OSGEP: variants seen among roughly 807,000 people sequenced by gnomAD.
The protein encoded by OSGEP is tRNA N6-adenosine threonylcarbamoyltransferase.
OSGEP carries 39 observed loss-of-function variants against 44.1 expected under a neutral mutation model. The ratio of observed to expected loss-of-function variants is 0.88; its 90% CI spans 0.69 to 1.16. The LOEUF is 1.16. OSGEP is among the 50% of genes most tolerant of loss of function. The pLI is 0.00. For missense variants in OSGEP, 403 were observed against 443.1 expected, an observed-to-expected ratio of 0.91 and a Z score of 0.81; for synonymous variants, 139 against 161.9, an observed-to-expected ratio of 0.86 and a Z score of 1.07.
intron 1 of OSGEP, among the ~76,000 whole-genome samples, chr14:20,452,984 AGG>A (rs1881143928): frequency 6.6e-6 from 1 of 152,172 alleles, no homozygotes; most frequent in Non-Finnish European, 1.5e-5. Flanking sequence ...CTGGGATTAC[AGG>A]CCTGAGCCAC....
chr14:20,454,547 CTT>C lies in OSGEP; in HGVS notation c.115+20_115+21del, dbSNP rs748074527. On this transcript the variant is annotated intron_variant, in intron 1 of 10. Coordinates refer to ENST00000206542, the MANE Select transcript of OSGEP (RefSeq NM_017807.4). ...TGTGCGGGGAAGTGCGCGGAAAACT[CTT>C]AAGTCCCCTACTCACCAACCTGTGC... The C allele has an allele frequency of 1.3e-6, 2 of 1,547,682 alleles. No individual in the cohort carries two copies. The highest frequency in any genetic ancestry group is 1.1e-5 in the South Asian group (1 of 89,720).
Position 20,447,157 on chromosome 14 carries a change from C to A in OSGEP, c.*83G>T. On this transcript the variant is annotated 3_prime_UTR_variant, in exon 11 of 11. Transcript: ENST00000206542. ...GGAGTCTATAGCTTTGCTAGGACTC[C>A]CATGACATCAGGATAGAGATTGAGG... 1 of 1,190,860 alleles carries A rather than the reference C, an allele frequency of 8.4e-7. No homozygotes were observed. Among genetic ancestry groups the A allele is most frequent in the South Asian group, 1.2e-5 (1 of 81,642 alleles). 73.8% of individuals were successfully genotyped at this position (1,190,860 alleles called of 1,614,324 possible). A position where few individuals can be genotyped will look rare whatever the true frequency, so the allele number is the denominator to read the frequency against.
chr14:20,449,030 A>T lies in OSGEP; in HGVS notation c.508-17T>A. Reference sequence around the variant, plus strand: ...GTTAGAAATCTAGCAGAAGAAAAAAATAAGGAAGGAGGGAATGGAAGAGGA... The same window carrying T: ...GTTAGAAATCTAGCAGAAGAAAAAATTAAGGAAGGAGGGAATGGAAGAGGA... On this transcript the variant is annotated splice_polypyrimidine_tract_variant and intron_variant, in intron 4 of 10. Transcript: ENST00000206542. The T allele has an allele frequency of 1.2e-6, 2 of 1,609,382 alleles. No homozygotes were observed. Among genetic ancestry groups the T allele is most frequent in the Non-Finnish European group, 1.7e-6 (2 of 1,175,618 alleles).
chr14:20,452,698 C>T (rs1276186553), intron 1 of OSGEP, among the ~76,000 whole-genome samples: 1 of 144,774 alleles, frequency 6.9e-6, no homozygotes, highest in Non-Finnish European at 1.5e-5. Flanking sequence ...ACCTCATACC[C>T]TTTCGTGATC....
rs1180497594 is a variant in OSGEP, at chr14:20,448,086, C to G, written c.702+20G>C. 1.2e-6 allele frequency: 2 copies of G among 1,609,056 alleles called. No individual in the cohort carries two copies. The highest frequency in any genetic ancestry group is 2.7e-5 in the African/African-American group (2 of 74,932). ...AAACCTTCAGCCCCAACTTTCTGTC[C>G]CAGTTTTTTACTGCATTACCTGCAG... On this transcript the variant is annotated intron_variant, in intron 7 of 10. Coordinates refer to ENST00000206542, the MANE Select transcript of OSGEP (RefSeq NM_017807.4).
At position 20,454,804 on chromosome 14, in the gene OSGEP, G is replaced by A. The variant is rs958831723; in HGVS notation, c.-121C>T. ...CGCAGAGGAAGCTGGCCAGCCTGCA[G>A]ATAGCACTGGGAAAGACACCGCGGA... On this transcript the variant is annotated 5_prime_UTR_variant, in exon 1 of 11. Transcript: ENST00000206542. 2 of 699,002 alleles carry A rather than the reference G, an allele frequency of 2.9e-6. No individual in the cohort carries two copies. The highest frequency in any genetic ancestry group is 3.6e-5 in the African/African-American group (2 of 55,880). 43.3% of individuals were successfully genotyped at this position (699,002 alleles called of 1,614,324 possible). A position where few individuals can be genotyped will look rare whatever the true frequency, so the allele number is the denominator to read the frequency against.
chr14:20,449,039 G>A (rs1428564784), intron 4 of OSGEP, 26 bp from the exon 5 acceptor site: 4 of 1,599,250 alleles, frequency 2.5e-6, no homozygotes, highest in Middle Eastern at 1.7e-4. Context: ...AATAAGGAAG[G>A]AGGGAATGGA....
intron 1 of OSGEP, among the ~76,000 whole-genome samples, chr14:20,453,282 C>G (rs1328384113): frequency 6.6e-6 from 1 of 152,120 alleles, no homozygotes; most frequent in Non-Finnish European, 1.5e-5. Context: ...CAGCTGCCCT[C>G]TCCTATGTAT....
chr14:20,449,331 A>G, intron 3 of OSGEP, 65 bp from the exon 4 acceptor site: 1 of 974,134 alleles, frequency 1.0e-6, no homozygotes. Context: ...GCTTTGGGAG[A>G]AAAACATAGC....
chr14:20,451,369 C>A (rs927746215), intron 3 of OSGEP: 1 of 250,770 alleles, frequency 4.0e-6, no homozygotes, highest in Non-Finnish European at 8.0e-6. Flanking sequence ...TGCAATGGTG[C>A]GATCTCGGTT....
At chr14:20,452,593 C>T in intron 1 of OSGEP, 145 bp from the exon 2 acceptor site, 2 of 704,550 alleles carry the variant, frequency 2.8e-6, no homozygotes, top group Non-Finnish European at 2.4e-6. Flanking sequence ...ATTTTCACAT[C>T]TACTCTTTCC....
At chr14:20,447,331 ATTC>A (rs1362118058) in intron 10 of OSGEP, 52 bp from the exon 11 acceptor site, 1 of 1,608,778 alleles carries the variant, frequency 6.2e-7, no homozygotes. Context: ...AACATCCTTC[ATTC>A]TTCTCTGCCC....
chr14:20,448,268 C>A (rs1247603074), intron 6 of OSGEP, 97 bp from the exon 7 acceptor site: 14 of 970,274 alleles, frequency 1.4e-5, no homozygotes, highest in Non-Finnish European at 2.2e-5. Flanking sequence ...TCATGTTTCA[C>A]CACAATTCAA....
rs36219434 is a variant in OSGEP at position 20,454,737 on chromosome 14, G to C, written c.-54C>G. On this transcript the variant is annotated 5_prime_UTR_variant, in exon 1 of 11. Transcript: ENST00000206542. ...GACTCCTGGCAATGTCAGGAGCTGT[G>C]GAGGTCCTCACTAGTCCGCGCTGGG... is the stretch of plus-strand genomic sequence containing the variant. The C allele has an allele frequency of 7.4e-7, 1 of 1,358,428 alleles. No homozygotes were observed. Among genetic ancestry groups the C allele is most frequent in the Non-Finnish European group, 1.0e-6 (1 of 952,952 alleles). 84.1% of individuals were successfully genotyped at this position (1,358,428 alleles called of 1,614,324 possible).
Position 20,448,992 on chromosome 14 carries a change from C to G in OSGEP, c.529G>C (p.Gly177Arg). The change falls in exon 5 of 11, where the codon GGA (glycine) becomes CGA (arginine). Residue 177 changes from glycine (G) to arginine (R), a missense_variant. Transcript: ENST00000206542. ...VLKISNDPSP[G>R]YNIEQMAKRG... ...TTTGCCATCTGTTCAATGTTGTATC[C>G]TGGACTTGGGTCGTTAGAAATCTAG... is the stretch of plus-strand genomic sequence containing the variant. 6.2e-7 allele frequency: 1 copy of G among 1,614,104 alleles called. No individual in the cohort carries two copies. The highest frequency in any genetic ancestry group is 8.5e-7 in the Non-Finnish European group (1 of 1,180,002).
At chr14:20,454,390 C>G (rs1265724061) in intron 1 of OSGEP, 179 bp downstream of exon 1, 6 of 688,078 alleles carry the variant, frequency 8.7e-6, no homozygotes, top group East Asian at 2.5e-5. Flanking sequence ...ATGAACTCAT[C>G]AGATCCACGT....
intron 6 of OSGEP, 125 bp downstream of exon 6, chr14:20,448,608 C>T: frequency 1.5e-6 from 1 of 676,212 alleles, no homozygotes; most frequent in Non-Finnish European, 2.6e-6. Context: ...TTACCCAGCA[C>T]ATGATATGGA....
At chr14:20,453,022 TTCTC>T (rs1814895049) in intron 1 of OSGEP, among the ~76,000 whole-genome samples, 1 of 152,128 alleles carries the variant, frequency 6.6e-6, no homozygotes, top group South Asian at 2.1e-4. Context: ...GTGATCTTCT[TTCTC>T]TGTGACCCTA....
At chr14:20,453,527 C>T (rs1437854461) in intron 1 of OSGEP, among the ~76,000 whole-genome samples, 1 of 152,058 alleles carries the variant, frequency 6.6e-6, no homozygotes, top group East Asian at 1.9e-4. Flanking sequence ...CCACCACGCC[C>T]AGTTAATTTT....
Sources: allele counts gnomAD v4.1 joint callset (sites outside exome capture counted in the v4.1 genomes callset), GRCh38; gene constraint gnomAD v4.1.1; transcripts MANE v1.5; gene names NCBI Gene and HGNC (gene_info 2026-07-23, HGNC 2026-07-21).